Variants in TNIK observed in about 807,000 individuals in gnomAD.
TNIK encodes TRAF2 and NCK interacting kinase, also known as TRAF2 and NCK-interacting protein kinase.
In TNIK, 49 loss-of-function variants were observed where a neutral mutation model predicts 191.3. The ratio of observed to expected loss-of-function variants is 0.26; its 90% confidence interval spans 0.20 to 0.32. The LOEUF (loss-of-function observed/expected upper bound fraction) is 0.32, where lower values mean the gene tolerates loss of function less well. Among genes scored for constraint, TNIK ranks in the 10% least tolerant of loss-of-function variants. The pLI is 1.00. For synonymous variants in TNIK, 594 were observed against 600.9 expected, an observed-to-expected ratio of 0.99 and a Z score of 0.17; for missense variants, 1,155 against 1,702.3, an observed-to-expected ratio of 0.68 and a Z score of 5.66.
Position 171,066,204 on chromosome 3 carries a change from A to G in TNIK, c.3982T>C (p.Cys1328Arg). ...GGATTTACCTTATCATTTCTTTCACATAGAAACTTTAACCTTTGAGCTCGC... is the reference window on the plus strand; with the variant it reads ...GGATTTACCTTATCATTTCTTTCACGTAGAAACTTTAACCTTTGAGCTCGC... The part of the protein sequence containing the change: ...HKRAQRLKFL[C>R]ERNDKVFFAS... The change falls in exon 32 of 33, where the codon TGT becomes CGT. Residue 1328 changes from cysteine (C) to arginine (R), a missense_variant. Physicochemically the swap from Cys to Arg is radical, Grantham distance 180. Coordinates refer to ENST00000436636, the MANE Select transcript of TNIK (RefSeq NM_015028.4). 6.2e-7 allele frequency: 1 copy of G among 1,613,740 alleles called. No homozygotes were observed. Among genetic ancestry groups the G allele is most frequent in the Non-Finnish European group, 8.5e-7 (1 of 1,179,870 alleles).
In TNIK at chr3:171,365,197, T is replaced by TTTTTTTC. The variant is rs1224095923; in HGVS notation, c.123+4422_123+4423insGAAAAAA. Among the ~76,000 whole-genome samples, 21 of 107,850 alleles carry TTTTTTTC rather than the reference T, an allele frequency of 1.9e-4. 3 individuals carry two copies. In the South Asian group the frequency reaches 7.6e-3, roughly 39 times the overall value. The allele number at this position is 107,850 out of a possible 152,430, so 70.8% of individuals were successfully genotyped here. A position where few individuals can be genotyped will look rare whatever the true frequency, so the allele number is the denominator to read the frequency against. On this transcript the variant is annotated intron_variant, in intron 2 of 32. Coordinates refer to ENST00000436636, the MANE Select transcript of TNIK (RefSeq NM_015028.4). Reference sequence around the variant, plus strand: ...TTTTTTTTTTTTTTTTTTTTTTTTTTTTGAGACAGAGTTTCGCTCTACTTG... The same window carrying TTTTTTTC: ...TTTTTTTTTTTTTTTTTTTTTTTTTTTTTTTTCTTGAGACAGAGTTTCGCTCTACTTG...
In TNIK at chr3:171,441,462, C is replaced by A. The variant is rs138463384; in HGVS notation, c.57+18545G>T. Among the ~76,000 whole-genome samples, 113 of 152,308 alleles carry A rather than the reference C, an allele frequency of 7.4e-4. 5 individuals are homozygous for A. The East Asian group carries it at 0.02, about 27-fold the overall frequency. ...TTAGCATAACATTTTGAGGTTCATG[C>A]ATGCTGCAGCCTGATTCAGTACTTC... On this transcript the variant is annotated intron_variant, in intron 1 of 32. Transcript: ENST00000436636.
At chr3:171,167,699 A>G (rs569738681) in intron 9 of TNIK, among the ~76,000 whole-genome samples, 1 of 152,304 alleles carries the variant, frequency 6.6e-6, no homozygotes, top group South Asian at 2.1e-4. Context: ...AACTCAGGCT[A>G]GGATGAGAAT....
At chr3:171,085,060 G>T in intron 25 of TNIK, 58 bp downstream of exon 25, 1 of 1,394,852 alleles carries the variant, frequency 7.2e-7, no homozygotes, top group Non-Finnish European at 9.9e-7. Flanking sequence ...TTCCTTATCA[G>T]GTCATACCAG....
chr3:171,364,127 G>A (rs1261295884), intron 2 of TNIK, among the ~76,000 whole-genome samples: 1 of 152,178 alleles, frequency 6.6e-6, no homozygotes, highest in Non-Finnish European at 1.5e-5. Flanking sequence ...CTTATTAAAT[G>A]TTCAAAGAGG....
At position 171,058,457 on chromosome 3, in the gene TNIK, A is replaced by G. The variant is rs1717530574; in HGVS notation, c.*5424T>C. Among the ~76,000 whole-genome samples, 1 of 152,210 alleles carries G rather than the reference A, an allele frequency of 6.6e-6. No homozygotes were observed. The highest frequency in any genetic ancestry group is 1.5e-5 in the Non-Finnish European group (1 of 68,028). ...ATTCATATTTTGACAAAGATAGCAT[A>G]TTATATTCCAGGACATGGTAGTTAC... On this transcript the variant is annotated 3_prime_UTR_variant, in exon 33 of 33. Transcript: ENST00000436636.
At chr3:171,218,526 AG>A (rs1173325856) in intron 3 of TNIK, among the ~76,000 whole-genome samples, 1 of 148,938 alleles carries the variant, frequency 6.7e-6, no homozygotes, top group Non-Finnish European at 1.5e-5. Flanking sequence ...AATTGGAATG[AG>A]TTTTTTTTTT....
Position 171,311,271 on chromosome 3 carries a change from C to G in TNIK, c.123+58349G>C, listed in dbSNP as rs150356290. 1.9e-3 allele frequency among the ~76,000 whole-genome samples: 292 copies of G among 151,396 alleles called. 2 individuals carry two copies. The highest frequency in any genetic ancestry group is 6.7e-3 in the African/African-American group (277 of 41,258). ...TTAACATTATACGAATAGTTTTGCG[C>G]GAAGTATTTGTGTGGGTAAATATTA... is the stretch of plus-strand genomic sequence containing the variant. On this transcript the variant is annotated intron_variant, in intron 2 of 32. Transcript: ENST00000436636.
At chr3:171,371,279 T>C (rs956796333) in intron 1 of TNIK, among the ~76,000 whole-genome samples, 4 of 152,178 alleles carry the variant, frequency 2.6e-5, no homozygotes, top group Non-Finnish European at 5.9e-5. Flanking sequence ...AAAATGAGTT[T>C]GATCTGACAA....
intron 2 of TNIK, among the ~76,000 whole-genome samples, chr3:171,276,608 T>C (rs1306014669): frequency 2.0e-5 from 3 of 152,230 alleles, no homozygotes; most frequent in Non-Finnish European, 1.5e-5. Flanking sequence ...ATTTTTAGAA[T>C]TAACCTTTTG....
intron 2 of TNIK, among the ~76,000 whole-genome samples, chr3:171,288,494 A>G (rs1237978930): frequency 3.9e-5 from 6 of 152,130 alleles, no homozygotes; most frequent in Non-Finnish European, 8.8e-5. Flanking sequence ...AGCCACGGAC[A>G]ACAAATTATG....
chr3:171,214,193 A>T lies in TNIK; in HGVS notation c.181-2952T>A, dbSNP rs566693553. ...TCTAGGGCACAGATGGCAGTAAGTT[A>T]TTCAGTGAAATAGGAAGGAAGACCG... On this transcript the variant is annotated intron_variant, in intron 3 of 32. Coordinates refer to ENST00000436636, the MANE Select transcript of TNIK (RefSeq NM_015028.4). Among the ~76,000 whole-genome samples the T allele has an allele frequency of 6.1e-4, 92 of 151,772 alleles. 1 individual carries two copies. Among genetic ancestry groups the T allele is most frequent in the Middle Eastern group, 3.4e-3 (1 of 294 alleles).
intron 2 of TNIK, among the ~76,000 whole-genome samples, chr3:171,309,837 T>A (rs2108296924): frequency 6.6e-6 from 1 of 152,302 alleles, no homozygotes; most frequent in South Asian, 2.1e-4. Context: ...AAACTATTTT[T>A]CTTGAAGTCC....
intron 25 of TNIK, 47 bp downstream of exon 25, chr3:171,085,071 A>G (rs908457517): frequency 3.4e-6 from 5 of 1,483,532 alleles, no homozygotes; most frequent in African/African-American, 1.4e-5. Flanking sequence ...GTCATACCAG[A>G]AAGGAAGACG....
Position 171,059,996 on chromosome 3 carries a change from A to T in TNIK, c.*3885T>A, listed in dbSNP as rs1717681311. On this transcript the variant is annotated 3_prime_UTR_variant, in exon 33 of 33. Coordinates refer to ENST00000436636, the MANE Select transcript of TNIK (RefSeq NM_015028.4). ...CTCATGTTTTCCTGCAGTAGGTTAA[A>T]ATTAAAAGTTTTATCAATAACTATT... Among the ~76,000 whole-genome samples the T allele has an allele frequency of 6.6e-6, 1 of 152,202 alleles. No homozygotes were observed. The highest frequency in any genetic ancestry group is 1.5e-5 in the Non-Finnish European group (1 of 68,040).
intron 22 of TNIK, among the ~76,000 whole-genome samples, chr3:171,100,389 C>T (rs769493035): frequency 7.2e-5 from 11 of 152,102 alleles, no homozygotes; most frequent in Non-Finnish European, 1.2e-4. Context: ...CTCTTAGAAT[C>T]GCTTGTATGT....
intron 4 of TNIK, among the ~76,000 whole-genome samples, chr3:171,195,598 T>TCA (rs60152231): frequency 0.17 from 26,592 of 152,048 alleles, 2,932 homozygotes; most frequent in South Asian, 0.27. Flanking sequence ...AAAAGATACC[T>TCA]CATCAGGCTC....
intron 3 of TNIK, among the ~76,000 whole-genome samples, chr3:171,215,744 G>T (rs745856126): frequency 3.3e-5 from 5 of 152,176 alleles, no homozygotes; most frequent in Non-Finnish European, 7.3e-5. Context: ...ATTTTAAGTT[G>T]CATATTTATT....
At chr3:171,153,263 G>A (rs931368807) in intron 12 of TNIK, among the ~76,000 whole-genome samples, 1 of 151,906 alleles carries the variant, frequency 6.6e-6, no homozygotes, top group African/African-American at 2.4e-5. Flanking sequence ...TTTCTCTGCT[G>A]TCTCTTCCTT....
Sources: gnomAD v4.1 joint callset for allele counts (sites outside exome capture counted in the v4.1 genomes callset) on GRCh38, gnomAD v4.1.1 for gene constraint, MANE v1.5 for transcripts, NCBI Gene and HGNC (gene_info 2026-07-23, HGNC 2026-07-21) for gene names.